The following PDHX variants were observed in gnomAD, a reference collection of about 807,000 sequenced individuals.
PDHX encodes pyruvate dehydrogenase complex component X.
PDHX carries 33 observed loss-of-function variants against 55.3 expected under a neutral mutation model. The observed-to-expected ratio is 0.60, with a 90% confidence interval of 0.45 to 0.80. The LOEUF (loss-of-function observed/expected upper bound fraction) is 0.80. PDHX is among the 30% of genes least tolerant of loss of function. The pLI, the probability that PDHX is intolerant of heterozygous loss-of-function variation, is 0.00. For synonymous variants in PDHX, 226 were observed against 219.4 expected (o/e 1.03, Z -0.27); for missense variants, 622 against 619.9 (o/e 1.00, Z -0.04).
At chr11:34,927,222 C>T (rs1224379181) in intron 1 of PDHX, among the ~76,000 whole-genome samples, 1 of 55,598 alleles carries the variant, frequency 1.8e-5, no homozygotes, top group Non-Finnish European at 4.2e-5. Context: ...GAAGTGACTA[C>T]AAAACGTTAA....
At chr11:34,961,164 G>T (rs1241888804) in intron 5 of PDHX, among the ~76,000 whole-genome samples, 2 of 152,146 alleles carry the variant, frequency 1.3e-5, no homozygotes, top group Admixed American at 1.3e-4. Context: ...TCCATGGGTA[G>T]GAGTGAGGGG....
At chr11:34,986,343 T>C (rs887774541) in intron 9 of PDHX, among the ~76,000 whole-genome samples, 2 of 151,794 alleles carry the variant, frequency 1.3e-5, no homozygotes, top group African/African-American at 4.8e-5. Flanking sequence ...TAGCGTTTAT[T>C]TGGTCAGTTC....
At chr11:34,916,221 C>A (rs1387462545), upstream of PDHX, 1 of 1,610,300 alleles carries the variant, frequency 6.2e-7, no homozygotes, top group South Asian at 1.1e-5. Context: ...GGTGGCCCCG[C>A]CCCTACCTGC....
intron 7 of PDHX, 140 bp downstream of exon 7, chr11:34,970,426 G>T (rs1365545741): frequency 2.8e-6 from 2 of 714,442 alleles, no homozygotes; most frequent in African/African-American, 1.8e-5. Context: ...TCTACTCTGG[G>T]TATATTTGTG....
At chr11:34,981,656 G>A (rs1405903524) in intron 8 of PDHX, among the ~76,000 whole-genome samples, 1 of 152,032 alleles carries the variant, frequency 6.6e-6, no homozygotes, top group Admixed American at 6.5e-5. Flanking sequence ...ATCCTCTCCA[G>A]CACCTGTTGT....
At chr11:34,974,605 G>T (rs1855326942) in intron 7 of PDHX, among the ~76,000 whole-genome samples, 1 of 151,880 alleles carries the variant, frequency 6.6e-6, no homozygotes, top group African/African-American at 2.4e-5. Context: ...TTCCTTAGTG[G>T]CTGTGCCATT....
intron 9 of PDHX, 22 bp downstream of exon 9, chr11:34,984,750 G>A (rs763552728): frequency 3.1e-6 from 5 of 1,610,090 alleles, no homozygotes; most frequent in Non-Finnish European, 3.4e-6. Context: ...GAAAGAGTGT[G>A]CTTTCAAAAT....
chr11:34,967,513 G>A (rs573722892), intron 6 of PDHX, among the ~76,000 whole-genome samples: 6 of 152,074 alleles, frequency 3.9e-5, no homozygotes, highest in Non-Finnish European at 8.8e-5. Context: ...TTTTAACTAG[G>A]GAATTGATAA....
At chr11:34,978,535 G>A (rs551283613) in intron 8 of PDHX, among the ~76,000 whole-genome samples, 33 of 152,132 alleles carry the variant, frequency 2.2e-4, no homozygotes, top group Non-Finnish European at 4.3e-4. Context: ...GAAAGGATAA[G>A]GGGACAAAGT....
chr11:34,973,444 TC>T (rs1855297596), intron 7 of PDHX, among the ~76,000 whole-genome samples: 2 of 152,196 alleles, frequency 1.3e-5, no homozygotes, highest in Non-Finnish European at 2.9e-5. Flanking sequence ...ACCATTTTGT[TC>T]TTTCTTTGCA....
intron 2 of PDHX, among the ~76,000 whole-genome samples, chr11:34,944,499 A>G (rs1854577488): frequency 6.6e-6 from 1 of 152,190 alleles, no homozygotes; most frequent in Non-Finnish European, 1.5e-5. Flanking sequence ...TAGGTGGTAA[A>G]TAAATATCAT....
chr11:34,986,958 A>C (rs1855659787), intron 9 of PDHX, among the ~76,000 whole-genome samples: 2 of 152,128 alleles, frequency 1.3e-5, no homozygotes, highest in African/African-American at 4.8e-5. Flanking sequence ...ATTTAATCCT[A>C]TTAACCCAGT....
At chr11:34,968,516 C>T (rs1855185215) in intron 6 of PDHX, among the ~76,000 whole-genome samples, 1 of 151,984 alleles carries the variant, frequency 6.6e-6, no homozygotes, top group Admixed American at 6.6e-5. Flanking sequence ...ATCTGTCATG[C>T]TTTTTTGAGA....
At chr11:34,946,138 A>G (rs1041370333) in intron 2 of PDHX, among the ~76,000 whole-genome samples, 4 of 152,172 alleles carry the variant, frequency 2.6e-5, no homozygotes, top group Admixed American at 2.6e-4. Context: ...AATTCTGCGT[A>G]GTTCATTAGT....
At chr11:34,980,932 C>A (rs1855496224) in intron 8 of PDHX, among the ~76,000 whole-genome samples, 1 of 152,116 alleles carries the variant, frequency 6.6e-6, no homozygotes, top group Non-Finnish European at 1.5e-5. Context: ...ATCATTTTCA[C>A]CTGTGATACA....
In PDHX at chr11:34,941,228, C is replaced by A. The variant is rs534839957; in HGVS notation, c.242-6278C>A. Among the ~76,000 whole-genome samples, 4 of 152,222 alleles carry A rather than the reference C, an allele frequency of 2.6e-5. No homozygotes were observed. In the South Asian group the frequency reaches 8.3e-4, roughly 32 times the overall value. On this transcript the variant is annotated intron_variant, in intron 2 of 10. Transcript: ENST00000227868. ...CTTTGGCCATGCAAATATTATCCTT[C>A]TTTGTGTGTGTGTGAAGTGAAAAGG...
At chr11:34,994,743 T>A (rs754797840) in intron 10 of PDHX, among the ~76,000 whole-genome samples, 171 bp from the exon 11 acceptor site, 17 of 152,240 alleles carry the variant, frequency 1.1e-4, no homozygotes, top group Non-Finnish European at 2.5e-4. Flanking sequence ...ATTTTTCCTG[T>A]GTACACAATT....
upstream of PDHX, chr11:34,916,153 G>C: frequency 6.5e-7 from 1 of 1,550,174 alleles, no homozygotes; most frequent in Non-Finnish European, 8.7e-7. Context: ...GCTACCCTGC[G>C]CCCAGCTCCA....
intron 8 of PDHX, among the ~76,000 whole-genome samples, chr11:34,981,072 A>G (rs1033705676): frequency 3.9e-5 from 6 of 152,074 alleles, no homozygotes; most frequent in African/African-American, 1.5e-4. Flanking sequence ...ATATGTATAC[A>G]TGTGCCGTGT....
Sources: allele counts gnomAD v4.1 joint callset (sites outside exome capture counted in the v4.1 genomes callset), GRCh38; gene constraint gnomAD v4.1.1; transcripts MANE v1.5; gene names NCBI Gene and HGNC (gene_info 2026-07-23, HGNC 2026-07-21).